LHFPL3: variants seen among roughly 807,000 people sequenced by gnomAD.
The protein encoded by LHFPL3 is LHFPL tetraspan subfamily member 3 protein.
Under a neutral mutation model 19.3 loss-of-function variants are expected in LHFPL3, and 5 were observed. The observed-to-expected ratio is 0.26, with a 90% CI of 0.14 to 0.54. The LOEUF is 0.54. Ranked by LOEUF, LHFPL3 falls within the 20% of genes least tolerant of loss-of-function variation. LHFPL3 has a pLI of 0.94. For missense variants in LHFPL3, 249 were observed against 307.4 expected, an observed-to-expected ratio of 0.81 and a Z score of 1.42; for synonymous variants, 133 against 126.2, an observed-to-expected ratio of 1.05 and a Z score of -0.36.
At chr7:104,818,377 C>T (rs1179173283) in intron 2 of LHFPL3, among the ~76,000 whole-genome samples, 1 of 144,848 alleles carries the variant, frequency 6.9e-6, no homozygotes, top group Non-Finnish European at 1.5e-5. Flanking sequence ...GGCTTGGGCA[C>T]TTCTCTCATT....
chr7:104,871,492 A>G (rs1353990453), intron 2 of LHFPL3, among the ~76,000 whole-genome samples: 1 of 152,162 alleles, frequency 6.6e-6, no homozygotes, highest in Non-Finnish European at 1.5e-5. Context: ...CTATACATGC[A>G]CTTAGGCTAC....
In LHFPL3 at chr7:104,351,600, G is replaced by A. The variant is rs752268079; in HGVS notation, c.445+22376G>A. ...TAAGATGGAAGGAGACTAAATCATA[G>A]TTTAAAATTTTACTTCTAGACTCAA... On this transcript the variant is annotated intron_variant, in intron 1 of 2. Coordinates refer to ENST00000424859, the MANE Select transcript of LHFPL3 (RefSeq NM_199000.3). Among the ~76,000 whole-genome samples the A allele has an allele frequency of 2.0e-4, 31 of 152,248 alleles. 1 individual carries two copies. The Middle Eastern group carries it at 0.01, about 50-fold the overall frequency.
chr7:104,565,273 T>G (rs1358903625), intron 1 of LHFPL3, among the ~76,000 whole-genome samples: 1 of 152,156 alleles, frequency 6.6e-6, no homozygotes, highest in Non-Finnish European at 1.5e-5. Flanking sequence ...TTGAAAGAAA[T>G]TAAAAGCTCT....
chr7:104,788,473 T>C (rs1038122082), intron 2 of LHFPL3, among the ~76,000 whole-genome samples: 1 of 152,202 alleles, frequency 6.6e-6, no homozygotes, highest in Non-Finnish European at 1.5e-5. Flanking sequence ...TATAAGAAAC[T>C]TTTCTGTTAC....
chr7:104,803,599 C>T (rs2116483438), intron 2 of LHFPL3: 1 of 152,352 alleles, frequency 6.6e-6, no homozygotes, highest in East Asian at 1.9e-4. Flanking sequence ...ACATCACTCT[C>T]TCCTGGGATG....
At chr7:104,609,513 G>T (rs10265185) in intron 1 of LHFPL3, among the ~76,000 whole-genome samples, 138,680 of 152,176 alleles carry the variant, frequency 0.91, 63,641 homozygotes, top group East Asian at 0.99. Context: ...CAATAAGAGG[G>T]CTCAGCTTAA....
At chr7:104,577,742 T>C (rs1363432104) in intron 1 of LHFPL3, among the ~76,000 whole-genome samples, 1 of 152,200 alleles carries the variant, frequency 6.6e-6, no homozygotes, top group Non-Finnish European at 1.5e-5. Flanking sequence ...TTCTCCATAA[T>C]GTAAGGCATA....
chr7:104,335,164 G>A (rs945976060), intron 1 of LHFPL3, among the ~76,000 whole-genome samples: 1 of 151,730 alleles, frequency 6.6e-6, no homozygotes, highest in Non-Finnish European at 1.5e-5. Context: ...ACAATCATCT[G>A]TCCTTACCCT....
intron 1 of LHFPL3, among the ~76,000 whole-genome samples, chr7:104,454,236 TG>T (rs1165227711): frequency 6.6e-6 from 1 of 152,182 alleles, no homozygotes; most frequent in Non-Finnish European, 1.5e-5. Flanking sequence ...GTGTTATGTG[TG>T]TACAAGTTGT....
intron 2 of LHFPL3, among the ~76,000 whole-genome samples, chr7:104,846,610 C>G (rs1336714873): frequency 6.6e-6 from 1 of 152,130 alleles, no homozygotes; most frequent in Non-Finnish European, 1.5e-5. Flanking sequence ...GGTGGCAGAG[C>G]CTGGATTAAA....
intron 1 of LHFPL3, among the ~76,000 whole-genome samples, chr7:104,613,988 G>C (rs1791259448): frequency 6.6e-6 from 1 of 152,096 alleles, no homozygotes; most frequent in South Asian, 2.1e-4. Context: ...GGAGATAGGG[G>C]CAGTGTCTTT....
At chr7:104,442,279 T>G (rs939892084) in intron 1 of LHFPL3, among the ~76,000 whole-genome samples, 7 of 152,050 alleles carry the variant, frequency 4.6e-5, no homozygotes, top group African/African-American at 1.4e-4. Context: ...AGTGGTTCCT[T>G]ATATATTTTG....
chr7:104,593,398 G>A (rs1360823919), intron 1 of LHFPL3, among the ~76,000 whole-genome samples: 1 of 152,192 alleles, frequency 6.6e-6, no homozygotes, highest in Non-Finnish European at 1.5e-5. Context: ...ACTGTGGTCT[G>A]AGAGACAGTT....
At chr7:104,669,825 G>A (rs186018443) in intron 1 of LHFPL3, among the ~76,000 whole-genome samples, 1 of 152,274 alleles carries the variant, frequency 6.6e-6, no homozygotes, top group East Asian at 1.9e-4. Flanking sequence ...AAGTTGTGGT[G>A]CGTTATGTCA....
chr7:104,333,648 G>A (rs1007275176), intron 1 of LHFPL3, among the ~76,000 whole-genome samples: 5 of 152,108 alleles, frequency 3.3e-5, no homozygotes, highest in Admixed American at 6.6e-5. Context: ...TTGTCATTTA[G>A]GTGAGATGAG....
chr7:104,391,923 A>G (rs1228860335), intron 1 of LHFPL3, among the ~76,000 whole-genome samples: 2 of 152,130 alleles, frequency 1.3e-5, no homozygotes, highest in African/African-American at 4.8e-5. Flanking sequence ...TTGGATTCCT[A>G]GGTATTTTAT....
At chr7:104,862,559 A>C (rs1454188719) in intron 2 of LHFPL3, among the ~76,000 whole-genome samples, 1 of 152,174 alleles carries the variant, frequency 6.6e-6, no homozygotes, top group African/African-American at 2.4e-5. Flanking sequence ...TCCTCAAGGC[A>C]AAGGAAGTCT....
chr7:104,875,005 C>T (rs1006132648), intron 2 of LHFPL3, among the ~76,000 whole-genome samples: 2 of 150,490 alleles, frequency 1.3e-5, no homozygotes, highest in Non-Finnish European at 2.9e-5. Context: ...CACTGCCACA[C>T]CTGGGGAATG....
intron 1 of LHFPL3, among the ~76,000 whole-genome samples, chr7:104,570,576 T>A (rs1790213219): frequency 6.6e-6 from 1 of 152,238 alleles, no homozygotes; most frequent in African/African-American, 2.4e-5. Flanking sequence ...AAATTCTCTA[T>A]CTGAAGCAAA....
Sources: allele counts gnomAD v4.1 joint callset (sites outside exome capture counted in the v4.1 genomes callset), GRCh38; gene constraint gnomAD v4.1.1; transcripts MANE v1.5; gene names NCBI Gene and HGNC (gene_info 2026-07-23, HGNC 2026-07-21).